Variants in MBD3 observed in about 807,000 individuals in gnomAD.
MBD3 encodes methyl-CpG binding domain protein 3.
Under a neutral mutation model 31.2 loss-of-function variants are expected in MBD3, and 13 were observed. The ratio of observed to expected loss-of-function variants is 0.42; its 90% CI spans 0.27 to 0.66. MBD3 has a LOEUF of 0.66. Among genes scored for constraint, MBD3 ranks in the 30% least tolerant of loss-of-function variants. The probability of loss-of-function intolerance (pLI) is 0.26; values close to 1 mark genes in which losing one functional copy is unlikely to be tolerated. For synonymous variants in MBD3, 223 were observed against 187.4 expected (o/e 1.19, Z -1.55); for missense variants, 440 against 426.5 (o/e 1.03, Z -0.28).
Position 1,585,478 on chromosome 19 carries a change from T to TG in MBD3, c.111-265dup. ...TGGGCGCCAGCCAGACCCAGAGCAC[T>TG]GGCCCCGATCCTCACACCCTGGCCC... On this transcript the variant is annotated intron_variant, in intron 1 of 6. Coordinates refer to ENST00000434436, the MANE Select transcript of MBD3 (RefSeq NM_001281453.2). The surrounding 1 kb of genome is among the most constrained non-coding windows in gnomAD (Gnocchi z 4.1). 1 of 496,490 alleles carries TG rather than the reference T, an allele frequency of 2.0e-6. No individual in the cohort carries two copies. Among genetic ancestry groups the TG allele is most frequent in the Non-Finnish European group, 3.7e-6 (1 of 271,348 alleles). The allele number at this position is 496,490 out of a possible 1,614,324, so 30.8% of individuals were successfully genotyped here.
rs1393999786 is a variant in MBD3 at position 1,574,573 on chromosome 19, G to T, written c.*3591C>A. 6.5e-6 allele frequency: 1 copy of T among 152,798 alleles called. No homozygotes were observed. The highest frequency in any genetic ancestry group is 1.5e-5 in the Non-Finnish European group (1 of 68,498). 9.5% of individuals were successfully genotyped at this position (152,798 alleles called of 1,614,324 possible). On this transcript the variant is annotated 3_prime_UTR_variant, in exon 7 of 7. Coordinates refer to ENST00000434436, the MANE Select transcript of MBD3 (RefSeq NM_001281453.2). ...GAGTCCTGCTCCATGGTGTGGCCGG[G>T]CCGGGCTGTGTTCGTTCATCCCTGG... is the stretch of plus-strand genomic sequence containing the variant.
In MBD3 at chr19:1,578,123, G is replaced by C. The variant is rs545689905; in HGVS notation, c.*41C>G. Reference sequence around the variant, plus strand: ...GGGGCCGAGGACCGCGTCTGCAGGCGGCTCCAGCAGGCAGCACGGGCTCTC... The same window carrying C: ...GGGGCCGAGGACCGCGTCTGCAGGCCGCTCCAGCAGGCAGCACGGGCTCTC... On this transcript the variant is annotated 3_prime_UTR_variant, in exon 7 of 7. Transcript: ENST00000434436. The surrounding 1 kb of genome is among the most constrained non-coding windows in gnomAD (Gnocchi z 6.1). 122 of 707,182 alleles carry C rather than the reference G, an allele frequency of 1.7e-4. 1 individual carries two copies. In the South Asian group the frequency reaches 1.8e-3, roughly 11 times the overall value. 43.8% of individuals were successfully genotyped at this position (707,182 alleles called of 1,614,324 possible). A position where few individuals can be genotyped will look rare whatever the true frequency, so the allele number is the denominator to read the frequency against.
At chr19:1,589,855 G>C (rs2060695875) in intron 1 of MBD3, among the ~76,000 whole-genome samples, 1 of 152,022 alleles carries the variant, frequency 6.6e-6, no homozygotes, top group Admixed American at 6.6e-5. Context: ...ATGAATGAAT[G>C]AATGCAAATG....
chr19:1,578,859 C>T lies in MBD3; in HGVS notation c.678-321G>A, dbSNP rs560083707. ...GGGCTCAGCTGTGTAAACCCTTGCTCCTGTCCCTTGACAGGCACTGAGTGG... is the reference window on the plus strand; with the variant it reads ...GGGCTCAGCTGTGTAAACCCTTGCTTCTGTCCCTTGACAGGCACTGAGTGG... On this transcript the variant is annotated intron_variant, in intron 5 of 6. Coordinates refer to ENST00000434436, the MANE Select transcript of MBD3 (RefSeq NM_001281453.2). This position sits in a 1 kb window ranked among gnomAD's most constrained non-coding sequence, Gnocchi z 6.1. Among the ~76,000 whole-genome samples the T allele has an allele frequency of 6.6e-6, 1 of 152,284 alleles. No homozygotes were observed. The highest frequency in any genetic ancestry group is 6.5e-5 in the Admixed American group (1 of 15,302).
chr19:1,586,103 C>G (rs1448539942), intron 1 of MBD3: 1 of 152,252 alleles, frequency 6.6e-6, no homozygotes, highest in Non-Finnish European at 1.5e-5. Context: ...TTGGAAAAGC[C>G]TGACAGCTCT....
chr19:1,584,421 C>A (rs2060667715), intron 3 of MBD3, 119 bp downstream of exon 3: 2 of 1,464,286 alleles, frequency 1.4e-6, no homozygotes, highest in Non-Finnish European at 9.4e-7. Flanking sequence ...GTTGCCCAGG[C>A]TAGCCTGGAA....
intron 5 of MBD3, among the ~76,000 whole-genome samples, chr19:1,580,458 T>C (rs1228670646): frequency 6.6e-6 from 1 of 152,214 alleles, no homozygotes; most frequent in Non-Finnish European, 1.5e-5. Flanking sequence ...TCTGGAACCG[T>C]CAAGTTTCCT....
intron 5 of MBD3, among the ~76,000 whole-genome samples, chr19:1,579,052 C>T (rs932048929): frequency 6.6e-6 from 1 of 151,768 alleles, no homozygotes; most frequent in Non-Finnish European, 1.5e-5. Flanking sequence ...GGCGTGGTGG[C>T]GGCCGCCTGT....
chr19:1,584,050 T>G (rs1053935156), intron 3 of MBD3, among the ~76,000 whole-genome samples: 1 of 152,024 alleles, frequency 6.6e-6, no homozygotes, highest in African/African-American at 2.4e-5. Context: ...CTCAAACTCC[T>G]GACCTCTCAG....
At chr19:1,584,437 G>A in intron 3 of MBD3, 103 bp downstream of exon 3, 1 of 1,531,128 alleles carries the variant, frequency 6.5e-7, no homozygotes, top group South Asian at 1.1e-5. Context: ...TGGAACTCCT[G>A]CGCTCACTAC....
At position 1,584,594 on chromosome 19, in the gene MBD3, G is replaced by A. The variant is rs751663483; in HGVS notation, c.354C>T (p.His118=). ...FKQPVTKITN[H]PSNKVKSDPQ... The stretch of plus-strand genomic sequence containing the variant: ...GGTCGCTCTTGACCTTGTTGCTGGG[G>A]TGGTTGGTAATCTTGGTCACCGGCT... The change falls in exon 3 of 7, where the codon CAC becomes CAT. Residue 118 remains histidine (H), a synonymous_variant. Coordinates refer to ENST00000434436, the MANE Select transcript of MBD3 (RefSeq NM_001281453.2). 5 of 1,613,990 alleles carry A rather than the reference G, an allele frequency of 3.1e-6. No homozygotes were observed. Among genetic ancestry groups the A allele is most frequent in the Non-Finnish European group, 4.2e-6 (5 of 1,179,962 alleles).
chr19:1,578,388 C>G lies in MBD3; in HGVS notation c.828G>C (p.Glu276Asp), dbSNP rs542843913. 11 of 1,604,390 alleles carry G rather than the reference C, an allele frequency of 6.9e-6. No homozygotes were observed. The South Asian group carries it at 1.2e-4, about 18-fold the overall frequency. ...CCGGGTCGGGCTCCTCCTCCTCCTC[C>G]TCCTCGTCTTCCTCGTCGTCGTCCT... The part of the protein sequence containing the change: ...CAEDDDEEDE[E>D]EEEEEPDPDP... The change falls in exon 6 of 7, where the codon GAG (glutamate) becomes GAC (aspartate). Residue 276 changes from glutamate (E) to aspartate (D), a missense_variant. Coordinates refer to ENST00000434436, the MANE Select transcript of MBD3 (RefSeq NM_001281453.2). The surrounding 1 kb of genome is among the most constrained non-coding windows in gnomAD (Gnocchi z 6.1).
At position 1,578,502 on chromosome 19, in the gene MBD3, C is replaced by A; in HGVS notation, c.714G>T (p.Arg238=). 1 of 1,612,188 alleles carries A rather than the reference C, an allele frequency of 6.2e-7. No individual in the cohort carries two copies. The highest frequency in any genetic ancestry group is 8.5e-7 in the Non-Finnish European group (1 of 1,179,922). The part of the protein sequence containing the change: ...QEELVQQVRK[R]LEEALMADML... Reference sequence around the variant, plus strand: ...TGTCGGCCATCAGCGCCTCCTCCAGCCGCTTCCGCACCTGCTGCACCAGCT... The same window carrying A: ...TGTCGGCCATCAGCGCCTCCTCCAGACGCTTCCGCACCTGCTGCACCAGCT... Residue 238 remains arginine (R), a synonymous_variant, in exon 6 of 7, where the codon CGG becomes CGT. Transcript: ENST00000434436. The surrounding 1 kb of genome is among the most constrained non-coding windows in gnomAD (Gnocchi z 6.1).
rs1195723537 is a variant in MBD3 at position 1,592,777 on chromosome 19, C to G, written c.-146G>C. 1 of 156,834 alleles carries G rather than the reference C, an allele frequency of 6.4e-6. No homozygotes were observed. The highest frequency in any genetic ancestry group is 2.5e-5 in the African/African-American group (1 of 40,768). The allele number at this position is 156,834 out of a possible 1,614,324, so 9.7% of individuals were successfully genotyped here. The stretch of plus-strand genomic sequence containing the variant: ...GGCCCGCGGGCCCCCGCCCTCCGCC[C>G]CCAGCCGGGCGCGCGCCGGCTTTGC... On this transcript the variant is annotated 5_prime_UTR_variant, in exon 1 of 7. Transcript: ENST00000434436.
chr19:1,584,405 C>G, intron 3 of MBD3, 135 bp downstream of exon 3: 1 of 1,339,824 alleles, frequency 7.5e-7, no homozygotes, highest in Non-Finnish European at 1.0e-6. Flanking sequence ...TTTTTTGCCT[C>G]GTCATGTTGC....
In MBD3 at chr19:1,575,231, A is replaced by C; in HGVS notation, c.*2933T>G. On this transcript the variant is annotated 3_prime_UTR_variant, in exon 7 of 7. Coordinates refer to ENST00000434436, the MANE Select transcript of MBD3 (RefSeq NM_001281453.2). ...GATCACCTGAGGTTAGGAGTTCCAG[A>C]CCAGACTGGCCAACATGGTGAAACC... 1 of 430,438 alleles carries C rather than the reference A, an allele frequency of 2.3e-6. No individual in the cohort carries two copies. The highest frequency in any genetic ancestry group is 4.8e-6 in the Non-Finnish European group (1 of 209,356). 26.7% of individuals were successfully genotyped at this position (430,438 alleles called of 1,614,324 possible).
intron 1 of MBD3, 29 bp downstream of exon 1, chr19:1,592,493 G>T: frequency 1.6e-6 from 2 of 1,271,232 alleles, no homozygotes; most frequent in Non-Finnish European, 2.1e-6. Context: ...AGCCCGTTGA[G>T]GCCCTGCGCG....
At chr19:1,584,930 C>T (rs2060671225) in intron 2 of MBD3, 125 bp downstream of exon 2, 3 of 1,363,952 alleles carry the variant, frequency 2.2e-6, no homozygotes, top group South Asian at 1.3e-5. Flanking sequence ...CCGCTCTGTG[C>T]CCTCCGCCCG....
chr19:1,578,290 A>C lies in MBD3; in HGVS notation c.*5+45T>G. ...CATCTGTGTTCACCAGGCAGTCCCC[A>C]CTGCCAGGACCCGACTCCAGGGAGC... On this transcript the variant is annotated intron_variant, in intron 6 of 6. Transcript: ENST00000434436. This position sits in a 1 kb window ranked among gnomAD's most constrained non-coding sequence, Gnocchi z 6.1. 6.3e-7 allele frequency: 1 copy of C among 1,598,658 alleles called. No homozygotes were observed. Among genetic ancestry groups the C allele is most frequent in the Non-Finnish European group, 8.5e-7 (1 of 1,179,394 alleles).
Sources: gnomAD v4.1 joint callset for allele counts (sites outside exome capture counted in the v4.1 genomes callset) on GRCh38, gnomAD v4.1.1 for gene constraint, Gnocchi (gnomAD v3.1) non-coding constraint, MANE v1.5 for transcripts, NCBI Gene and HGNC (gene_info 2026-07-23, HGNC 2026-07-21) for gene names.